Variants in LINGO2 observed in about 807,000 individuals in gnomAD.
LINGO2 encodes leucine rich repeat and Ig domain containing 2.
In LINGO2, 14 loss-of-function variants were observed where a neutral mutation model predicts 30.6. That is an observed-to-expected ratio of 0.46 (90% CI 0.30 to 0.72). The LOEUF is 0.72. Ranked by LOEUF, LINGO2 falls within the 30% of genes least tolerant of loss-of-function variation. The pLI is 0.07. For synonymous variants in LINGO2, 317 were observed against 288.5 expected (o/e 1.10, Z -1.00); for missense variants, 729 against 751.7 (o/e 0.97, Z 0.35).
the LINGO2 span, among the ~76,000 whole-genome samples, chr9:28,767,676 C>T: frequency 6.7e-6 from 1 of 149,050 alleles, no homozygotes; most frequent in East Asian, 2.0e-4. Flanking sequence ...GTCCCAGCTA[C>T]TGGGGAGGCT....
intron 1 of LINGO2, among the ~76,000 whole-genome samples, chr9:28,511,478 C>T (rs1820382559): frequency 6.6e-6 from 1 of 152,098 alleles, no homozygotes; most frequent in Admixed American, 6.6e-5. Context: ...CCACCATGGC[C>T]ACTTTGTTCA....
At chr9:27,988,677 C>A (rs1821245532) in intron 5 of LINGO2, among the ~76,000 whole-genome samples, 2 of 152,024 alleles carry the variant, frequency 1.3e-5, no homozygotes, top group East Asian at 3.9e-4. Context: ...CCTTTGCCCA[C>A]TTTTTGATGG....
intron 2 of LINGO2, among the ~76,000 whole-genome samples, chr9:28,458,790 G>T (rs971092395): frequency 6.6e-6 from 1 of 152,154 alleles, no homozygotes; most frequent in Non-Finnish European, 1.5e-5. Context: ...CACTCTTGAA[G>T]GTCTGCCCTG....
chr9:28,001,714 G>A (rs1360732701), intron 5 of LINGO2, among the ~76,000 whole-genome samples: 1 of 149,414 alleles, frequency 6.7e-6, no homozygotes, highest in East Asian at 2.0e-4. Context: ...GAAAAAAAAA[G>A]CACAAGTACA....
chr9:28,413,343 G>T (rs1030252552), intron 2 of LINGO2, among the ~76,000 whole-genome samples: 8 of 152,046 alleles, frequency 5.3e-5, no homozygotes, highest in Non-Finnish European at 7.4e-5. Flanking sequence ...AAAGTGACTT[G>T]CCTAAGTTTT....
chr9:28,689,856 T>A, the LINGO2 span, among the ~76,000 whole-genome samples: 8 of 152,276 alleles, frequency 5.3e-5, no homozygotes, highest in African/African-American at 1.9e-4. Context: ...TAAAAAAATG[T>A]GGTACATATA....
At chr9:28,133,768 G>A (rs1485596096) in intron 4 of LINGO2, among the ~76,000 whole-genome samples, 1 of 152,054 alleles carries the variant, frequency 6.6e-6, no homozygotes, top group Admixed American at 6.5e-5. Flanking sequence ...TATTGTAAAT[G>A]TTGGTGTCCT....
intron 4 of LINGO2, among the ~76,000 whole-genome samples, chr9:28,040,409 A>G (rs1824144504): frequency 6.6e-6 from 1 of 151,988 alleles, no homozygotes; most frequent in South Asian, 2.1e-4. Flanking sequence ...TGGTTGTTCA[A>G]AAAGACAGCT....
chr9:28,768,774 T>C, the LINGO2 span, among the ~76,000 whole-genome samples: 1 of 152,172 alleles, frequency 6.6e-6, no homozygotes, highest in Non-Finnish European at 1.5e-5. Flanking sequence ...ACTGAACTTC[T>C]TGATTACATC....
At chr9:28,394,109 G>T (rs1239398367) in intron 2 of LINGO2, among the ~76,000 whole-genome samples, 2 of 151,998 alleles carry the variant, frequency 1.3e-5, no homozygotes, top group Non-Finnish European at 2.9e-5. Context: ...ACGGAACCAA[G>T]ACTAAGACAC....
chr9:28,940,668 G>A, the LINGO2 span, among the ~76,000 whole-genome samples: 1 of 152,150 alleles, frequency 6.6e-6, no homozygotes, highest in African/African-American at 2.4e-5. Context: ...ATGTGCATAT[G>A]TGTGAGAAAT....
At chr9:28,176,327 G>A (rs903357491) in intron 4 of LINGO2, among the ~76,000 whole-genome samples, 3 of 152,000 alleles carry the variant, frequency 2.0e-5, no homozygotes, top group African/African-American at 4.8e-5. Flanking sequence ...CCACCTGATC[G>A]ACAAAGGACC....
chr9:28,863,716 T>C, the LINGO2 span: 19 of 520,856 alleles, frequency 3.6e-5, 1 homozygote, highest in South Asian at 2.7e-4. Context: ...ACAGTTTGTG[T>C]AAAGCCTGGT....
chr9:28,064,348 T>C (rs746441507), intron 4 of LINGO2, among the ~76,000 whole-genome samples: 1 of 152,144 alleles, frequency 6.6e-6, no homozygotes, highest in African/African-American at 2.4e-5. Context: ...GGGCTGCTTA[T>C]AGCAGGTTGG....
chr9:28,492,179 G>A (rs183200165), intron 1 of LINGO2, among the ~76,000 whole-genome samples: 3 of 152,148 alleles, frequency 2.0e-5, no homozygotes, highest in African/African-American at 7.2e-5. Context: ...GCTCCACACA[G>A]AACTAAATTC....
chr9:29,115,249 G>C, the LINGO2 span, among the ~76,000 whole-genome samples: 1 of 151,846 alleles, frequency 6.6e-6, no homozygotes, highest in Non-Finnish European at 1.5e-5. Context: ...TTATTTTTAG[G>C]TGAGTTCAGA....
chr9:28,973,344 C>A, the LINGO2 span, among the ~76,000 whole-genome samples: 1 of 152,096 alleles, frequency 6.6e-6, no homozygotes. Context: ...GCAGAGTTTT[C>A]AGTTGGAACC....
intron 1 of LINGO2, among the ~76,000 whole-genome samples, chr9:28,493,689 G>A (rs1182636886): frequency 6.6e-6 from 1 of 152,130 alleles, no homozygotes; most frequent in African/African-American, 2.4e-5. Flanking sequence ...CCTAGGTGTT[G>A]TCTGTGAGGG....
At chr9:28,487,126 A>G (rs1826201273) in intron 1 of LINGO2, among the ~76,000 whole-genome samples, 1 of 152,126 alleles carries the variant, frequency 6.6e-6, no homozygotes, top group Admixed American at 6.6e-5. Flanking sequence ...TCACTAATCT[A>G]ACAGATCATA....
Sources: gnomAD v4.1 joint callset for allele counts (sites outside exome capture counted in the v4.1 genomes callset) on GRCh38, gnomAD v4.1.1 for gene constraint, MANE v1.5 for transcripts, NCBI Gene and HGNC (gene_info 2026-07-23, HGNC 2026-07-21) for gene names.